Variants in NRG3 observed in about 807,000 individuals in gnomAD.
NRG3 encodes the protein neuregulin 3.
Under a neutral mutation model 66.9 loss-of-function variants are expected in NRG3, and 31 were observed. That is an observed-to-expected ratio of 0.46 (90% CI 0.35 to 0.63). NRG3 has a LOEUF of 0.63. NRG3 is among the 20% of genes least tolerant of loss of function. The pLI is 0.00. For synonymous variants in NRG3, 393 were observed against 359.4 expected (o/e 1.09, Z -1.06); for missense variants, 910 against 878.9 (o/e 1.04, Z -0.45).
chr10:82,447,378 G>T (rs1414935765), intron 2 of NRG3, among the ~76,000 whole-genome samples: 1 of 152,076 alleles, frequency 6.6e-6, no homozygotes, highest in Non-Finnish European at 1.5e-5. Flanking sequence ...GAGTCCAGGA[G>T]TTTCAGACCA....
intron 2 of NRG3, 71 bp from the exon 3 acceptor site, chr10:82,738,506 A>G (rs974089760): frequency 4.1e-6 from 5 of 1,205,246 alleles, no homozygotes; most frequent in Admixed American, 3.4e-5. Context: ...ATTGATGGCT[A>G]TTTTACTTGT....
In NRG3 at chr10:82,840,927, G is replaced by A. The variant is rs553403010; in HGVS notation, c.1028-24484G>A. On this transcript the variant is annotated intron_variant, in intron 3 of 8. Transcript: ENST00000372141. Reference sequence around the variant, plus strand: ...GTATCCCCTAAAAAGACATACTAAAGTCTTAAGCCCTAGTACCTGTATCGT... The same window carrying A: ...GTATCCCCTAAAAAGACATACTAAAATCTTAAGCCCTAGTACCTGTATCGT... 3.6e-4 allele frequency among the ~76,000 whole-genome samples: 55 copies of A among 152,112 alleles called. 1 individual carries two copies. The highest frequency in any genetic ancestry group is 1.3e-3 in the African/African-American group (55 of 41,488).
chr10:82,960,636 TCCAC>T (rs945652887), intron 6 of NRG3, among the ~76,000 whole-genome samples: 24 of 152,200 alleles, frequency 1.6e-4, no homozygotes, highest in African/African-American at 5.5e-4. Context: ...CTGATGACAT[TCCAC>T]CACAAATGAA....
intron 1 of NRG3, among the ~76,000 whole-genome samples, chr10:82,161,135 A>G (rs1032797325): frequency 2.6e-5 from 4 of 152,026 alleles, no homozygotes; most frequent in Admixed American, 6.6e-5. Context: ...ATTTTAAAAG[A>G]TTATTATCAA....
At chr10:82,007,335 A>T (rs1407988591) in intron 1 of NRG3, among the ~76,000 whole-genome samples, 2 of 149,886 alleles carry the variant, frequency 1.3e-5, no homozygotes, top group Non-Finnish European at 3.0e-5. Context: ...TCAGCCTCCC[A>T]AGTAGCTGGG....
chr10:82,257,938 T>A (rs2077819713), intron 1 of NRG3, among the ~76,000 whole-genome samples: 1 of 152,192 alleles, frequency 6.6e-6, no homozygotes, highest in Non-Finnish European at 1.5e-5. Flanking sequence ...TACAGGGCCT[T>A]ACATGAGTGG....
rs141924426 is a variant in NRG3, at chr10:82,587,893, A to G, written c.954-150684A>G. ...GATGTGATGATACTCAGAGATTTAA[A>G]AATTATATTTCCATTTTGAGGAAAG... On this transcript the variant is annotated intron_variant, in intron 2 of 8. Coordinates refer to ENST00000372141, the MANE Select transcript of NRG3 (RefSeq NM_001010848.4). Among the ~76,000 whole-genome samples, 30 of 152,346 alleles carry G rather than the reference A, an allele frequency of 2.0e-4. No homozygotes were observed. The East Asian group carries it at 2.3e-3, about 12-fold the overall frequency.
chr10:82,312,890 T>C (rs1184934242), intron 1 of NRG3, among the ~76,000 whole-genome samples: 1 of 152,178 alleles, frequency 6.6e-6, no homozygotes, highest in Non-Finnish European at 1.5e-5. Flanking sequence ...TGATAATTAA[T>C]TGTTGGCTGT....
chr10:82,544,803 A>G (rs1208943192), intron 2 of NRG3, among the ~76,000 whole-genome samples: 2 of 152,298 alleles, frequency 1.3e-5, no homozygotes, highest in African/African-American at 4.8e-5. Flanking sequence ...CCTAAACAAT[A>G]CATTGTGATT....
intron 1 of NRG3, among the ~76,000 whole-genome samples, chr10:82,008,949 TC>T (rs1221808744): frequency 6.6e-6 from 1 of 152,180 alleles, no homozygotes; most frequent in African/African-American, 2.4e-5. Context: ...TATGGAGAGT[TC>T]TTTTTTGTCA....
intron 1 of NRG3, among the ~76,000 whole-genome samples, chr10:82,102,938 G>T (rs1406177880): frequency 6.6e-6 from 1 of 151,884 alleles, no homozygotes; most frequent in Non-Finnish European, 1.5e-5. Context: ...CTGTTGTTCT[G>T]CCTTCATTTT....
At chr10:82,084,992 C>G (rs1377294292) in intron 1 of NRG3, among the ~76,000 whole-genome samples, 1 of 152,104 alleles carries the variant, frequency 6.6e-6, no homozygotes. Flanking sequence ...AACTAGTCCC[C>G]TCAGAAAATG....
At chr10:82,122,453 A>T (rs1440073870) in intron 1 of NRG3, among the ~76,000 whole-genome samples, 4 of 152,102 alleles carry the variant, frequency 2.6e-5, no homozygotes, top group African/African-American at 9.7e-5. Flanking sequence ...GTCTTCACAG[A>T]TACTTGGTCA....
intron 1 of NRG3, among the ~76,000 whole-genome samples, chr10:82,343,767 C>T (rs993308853): frequency 6.6e-6 from 1 of 151,476 alleles, no homozygotes; most frequent in African/African-American, 2.4e-5. Context: ...TGCTCAAATC[C>T]CCCCTGAAAA....
chr10:82,173,704 C>CACACAT (rs1554840453), intron 1 of NRG3, among the ~76,000 whole-genome samples: 1 of 151,296 alleles, frequency 6.6e-6, no homozygotes, highest in East Asian at 2.0e-4. Context: ...CACACACACA[C>CACACAT]GCATGAAAAG....
In NRG3 at chr10:82,186,872, A is replaced by C. The variant is rs893804431; in HGVS notation, c.824-171867A>C. 2.0e-5 allele frequency among the ~76,000 whole-genome samples: 3 copies of C among 152,260 alleles called. No homozygotes were observed. In the East Asian group the frequency reaches 5.8e-4, roughly 29 times the overall value. ...TCTGGTAAGACTTGTTTCTCTCCACATGGTACTGCCAGCTGTAACACAGGG... is the reference window on the plus strand; with the variant it reads ...TCTGGTAAGACTTGTTTCTCTCCACCTGGTACTGCCAGCTGTAACACAGGG... On this transcript the variant is annotated intron_variant, in intron 1 of 8. Coordinates refer to ENST00000372141, the MANE Select transcript of NRG3 (RefSeq NM_001010848.4).
chr10:82,731,512 C>T (rs1379429948), intron 2 of NRG3, among the ~76,000 whole-genome samples: 2 of 152,132 alleles, frequency 1.3e-5, no homozygotes, highest in African/African-American at 2.4e-5. Flanking sequence ...TACGTGATAA[C>T]GTGGTATTTG....
chr10:82,246,203 T>C (rs1157668109), intron 1 of NRG3, among the ~76,000 whole-genome samples: 1 of 152,164 alleles, frequency 6.6e-6, no homozygotes, highest in East Asian at 1.9e-4. Flanking sequence ...AGCTGGTTTA[T>C]TTTAAAAAGA....
At chr10:82,533,001 A>C (rs1847445932) in intron 2 of NRG3, among the ~76,000 whole-genome samples, 2 of 151,548 alleles carry the variant, frequency 1.3e-5, no homozygotes, top group South Asian at 4.2e-4. Flanking sequence ...TAACAGGTAT[A>C]AAATGACATT....
Sources: gnomAD v4.1 joint callset for allele counts (sites outside exome capture counted in the v4.1 genomes callset) on GRCh38, gnomAD v4.1.1 for gene constraint, MANE v1.5 for transcripts, NCBI Gene and HGNC (gene_info 2026-07-23, HGNC 2026-07-21) for gene names.